The following VGLL3 variants were observed in gnomAD, a reference collection of about 807,000 sequenced individuals.
VGLL3 encodes transcription cofactor vestigial-like protein 3.
Under a neutral mutation model 29.2 loss-of-function variants are expected in VGLL3, and 18 were observed. The observed-to-expected ratio is 0.62, with a 90% CI of 0.43 to 0.91. VGLL3 has a LOEUF of 0.91. VGLL3 is among the 40% of genes least tolerant of loss of function. VGLL3 has a pLI of 0.00. For synonymous variants in VGLL3, 180 were observed against 151.8 expected (o/e 1.19, Z -1.36); for missense variants, 440 against 413.2 (o/e 1.06, Z -0.56).
rs1158942258 is a variant in VGLL3 at position 86,990,904 on chromosome 3, C to T, written c.-161G>A. 26 of 1,118,292 alleles carry T rather than the reference C, an allele frequency of 2.3e-5. No homozygotes were observed. The highest frequency in any genetic ancestry group is 2.9e-5 in the Non-Finnish European group (26 of 910,524). 69.3% of individuals were successfully genotyped at this position (1,118,292 alleles called of 1,614,324 possible). A position where few individuals can be genotyped will look rare whatever the true frequency, so the allele number is the denominator to read the frequency against. Reference sequence around the variant, plus strand: ...CGGCGGCCTCGGGCTCCGCGCGGGGCGCGGGGTCGGGAGGGACTGGCAATC... The same window carrying T: ...CGGCGGCCTCGGGCTCCGCGCGGGGTGCGGGGTCGGGAGGGACTGGCAATC... On this transcript the variant is annotated 5_prime_UTR_variant, in exon 1 of 4. Coordinates refer to ENST00000398399, the MANE Select transcript of VGLL3 (RefSeq NM_016206.4).
intron 3 of VGLL3, among the ~76,000 whole-genome samples, chr3:86,963,792 G>A (rs1440635851): frequency 6.6e-6 from 1 of 152,164 alleles, no homozygotes; most frequent in Non-Finnish European, 1.5e-5. Context: ...AAAGTCATTG[G>A]TCCAAAGTCT....
chr3:86,951,708 T>G (rs1427949148), intron 3 of VGLL3, among the ~76,000 whole-genome samples: 1 of 148,222 alleles, frequency 6.7e-6, no homozygotes, highest in Non-Finnish European at 1.5e-5. Context: ...CCCTCTTTAG[T>G]TTACCTCAAA....
At chr3:86,948,982 TA>T (rs1458411475) in intron 3 of VGLL3, among the ~76,000 whole-genome samples, 1 of 152,202 alleles carries the variant, frequency 6.6e-6, no homozygotes, top group Non-Finnish European at 1.5e-5. Context: ...ACTATATAAA[TA>T]TTTTTTTAAT....
At chr3:86,971,007 C>A (rs1290781660) in intron 2 of VGLL3, among the ~76,000 whole-genome samples, 2 of 152,094 alleles carry the variant, frequency 1.3e-5, no homozygotes, top group Non-Finnish European at 2.9e-5. Flanking sequence ...AAGACATTTT[C>A]TAAAGATGTT....
At chr3:86,981,499 TG>T (rs2107058546) in intron 1 of VGLL3, among the ~76,000 whole-genome samples, 1 of 151,986 alleles carries the variant, frequency 6.6e-6, no homozygotes, top group Non-Finnish European at 1.5e-5. Flanking sequence ...ATTTCATATA[TG>T]TAATATATCT....
At chr3:86,963,320 G>A (rs1319247757) in intron 3 of VGLL3, among the ~76,000 whole-genome samples, 1 of 152,044 alleles carries the variant, frequency 6.6e-6, no homozygotes, top group African/African-American at 2.4e-5. Flanking sequence ...ATTACACAAA[G>A]TGAAAAAAGA....
rs1195578707 is a variant in VGLL3, at chr3:86,947,853, CT to C, written c.938-787del. The stretch of plus-strand genomic sequence containing the variant: ...ATCAAACAGAAAACGGGAAATGTGA[CT>C]TTTATCTGTGTCTAATACAGTTAAT... On this transcript the variant is annotated intron_variant, in intron 3 of 3. Transcript: ENST00000398399. Among the ~76,000 whole-genome samples, 7 of 151,968 alleles carry C rather than the reference CT, an allele frequency of 4.6e-5. No homozygotes were observed. In the East Asian group the frequency reaches 1.4e-3, roughly 29 times the overall value.
intron 3 of VGLL3, among the ~76,000 whole-genome samples, chr3:86,961,529 G>A (rs1704843178): frequency 6.6e-6 from 1 of 152,122 alleles, no homozygotes; most frequent in African/African-American, 2.4e-5. Flanking sequence ...AGGAAGATAA[G>A]AGGAGACATA....
At chr3:86,986,378 G>A (rs796240069) in intron 1 of VGLL3, among the ~76,000 whole-genome samples, 32 of 152,072 alleles carry the variant, frequency 2.1e-4, no homozygotes, top group African/African-American at 6.0e-4. Flanking sequence ...TTGTAATCTC[G>A]ATTCTGGTTG....
chr3:86,941,783 A>T lies in VGLL3; in HGVS notation c.*5241T>A, dbSNP rs979792035. 1 of 152,116 alleles carries T rather than the reference A, an allele frequency of 6.6e-6. No homozygotes were observed. Among genetic ancestry groups the T allele is most frequent in the Non-Finnish European group, 1.5e-5 (1 of 68,010 alleles). The allele number at this position is 152,116 out of a possible 1,614,324, so 9.4% of individuals were successfully genotyped here. A position where few individuals can be genotyped will look rare whatever the true frequency, so the allele number is the denominator to read the frequency against. ...CATGGTGCAATTCCCAGAGAGCACTACAAGATTCAAAAGAAAAAAAAAACC... is the reference window on the plus strand; with the variant it reads ...CATGGTGCAATTCCCAGAGAGCACTTCAAGATTCAAAAGAAAAAAAAAACC... On this transcript the variant is annotated 3_prime_UTR_variant, in exon 4 of 4. Transcript: ENST00000398399.
At chr3:86,987,231 G>A (rs1265319964) in intron 1 of VGLL3, among the ~76,000 whole-genome samples, 1 of 152,012 alleles carries the variant, frequency 6.6e-6, no homozygotes, top group Non-Finnish European at 1.5e-5. Context: ...TTTTTTCTCT[G>A]ACAAACCGAA....
At chr3:86,972,285 G>T (rs1197950189) in intron 2 of VGLL3, among the ~76,000 whole-genome samples, 1 of 152,008 alleles carries the variant, frequency 6.6e-6, no homozygotes, top group Admixed American at 6.6e-5. Context: ...GTTTTAAAAT[G>T]CTCCAGGGAA....
Position 86,940,776 on chromosome 3 carries a change from C to T in VGLL3, c.*6248G>A, listed in dbSNP as rs1704379781. On this transcript the variant is annotated 3_prime_UTR_variant, in exon 4 of 4. Transcript: ENST00000398399. The stretch of plus-strand genomic sequence containing the variant: ...GAATAGAAATAAGAAAATGTTTTCC[C>T]AACCCCACAAAAACAGAAAAAAATA... 1 of 151,684 alleles carries T rather than the reference C, an allele frequency of 6.6e-6. No homozygotes were observed. Among genetic ancestry groups the T allele is most frequent in the African/African-American group, 2.4e-5 (1 of 41,348 alleles). The allele number at this position is 151,684 out of a possible 1,614,324, so 9.4% of individuals were successfully genotyped here.
chr3:86,960,988 G>T (rs1052904482), intron 3 of VGLL3, among the ~76,000 whole-genome samples: 6 of 146,086 alleles, frequency 4.1e-5, no homozygotes, highest in Non-Finnish European at 9.0e-5. Flanking sequence ...TGTTTTGTTT[G>T]TTTAATATTA....
rs1704519125 is a variant in VGLL3 at position 86,946,904 on chromosome 3, A to G, written c.*120T>C. ...GCCGAAAACCAGTCAACTGCGTGAC[A>G]CTTTGTCTTCTCCTTCTATGCCTTT... On this transcript the variant is annotated 3_prime_UTR_variant, in exon 4 of 4. Coordinates refer to ENST00000398399, the MANE Select transcript of VGLL3 (RefSeq NM_016206.4). The G allele has an allele frequency of 1.4e-6, 1 of 698,338 alleles. No individual in the cohort carries two copies. The highest frequency in any genetic ancestry group is 2.7e-6 in the Non-Finnish European group (1 of 375,962). The allele number at this position is 698,338 out of a possible 1,614,324, so 43.3% of individuals were successfully genotyped here.
chr3:86,979,505 CA>C (rs2107052380), intron 1 of VGLL3, among the ~76,000 whole-genome samples: 1 of 151,994 alleles, frequency 6.6e-6, no homozygotes, highest in East Asian at 1.9e-4. Flanking sequence ...GTTAATCTTT[CA>C]ATTAAAAATG....
Position 86,949,690 on chromosome 3 carries a change from A to G in VGLL3, c.938-2623T>C, listed in dbSNP as rs192867308. Among the ~76,000 whole-genome samples, 1,516 of 151,796 alleles carry G rather than the reference A, an allele frequency of 1.0e-2. 24 individuals are homozygous for G. Among genetic ancestry groups the G allele is most frequent in the African/African-American group, 0.034 (1,402 of 41,414 alleles). ...AAACACAAAAAATTAGCCGGGCGTG[A>G]TGGCGGGCGCCCTGTAGTCCCAGCT... is the stretch of plus-strand genomic sequence containing the variant. On this transcript the variant is annotated intron_variant, in intron 3 of 3. Coordinates refer to ENST00000398399, the MANE Select transcript of VGLL3 (RefSeq NM_016206.4).
chr3:86,977,942 T>C (rs1705243514), intron 2 of VGLL3, among the ~76,000 whole-genome samples: 1 of 152,124 alleles, frequency 6.6e-6, no homozygotes, highest in Non-Finnish European at 1.5e-5. Flanking sequence ...CAGAGAGAAA[T>C]AAAGGAGTCC....
intron 2 of VGLL3, among the ~76,000 whole-genome samples, chr3:86,970,658 T>C (rs1459561970): frequency 1.3e-5 from 2 of 152,146 alleles, no homozygotes; most frequent in Non-Finnish European, 2.9e-5. Context: ...AATTCTATTC[T>C]GAGGTGGCAG....
Sources: allele counts gnomAD v4.1 joint callset (sites outside exome capture counted in the v4.1 genomes callset), GRCh38; gene constraint gnomAD v4.1.1; transcripts MANE v1.5; gene names NCBI Gene and HGNC (gene_info 2026-07-23, HGNC 2026-07-21).